The following AUTS2 variants were observed in gnomAD, a reference collection of about 807,000 sequenced individuals.
AUTS2 encodes autism susceptibility gene 2 protein.
AUTS2 carries 17 observed loss-of-function variants against 112.4 expected under a neutral mutation model. That is an observed-to-expected ratio of 0.15 (90% CI 0.10 to 0.23). The LOEUF is 0.23. Among genes scored for constraint, AUTS2 ranks in the 10% least tolerant of loss-of-function variants. The pLI is 1.00. For synonymous variants in AUTS2, 751 were observed against 702.7 expected (o/e 1.07, Z -1.09); for missense variants, 1,510 against 1,701.6 (o/e 0.89, Z 1.98).
In AUTS2 at chr7:70,457,650, G is replaced by A. The variant is rs115533255; in HGVS notation, c.690+21869G>A. On this transcript the variant is annotated intron_variant, in intron 5 of 18. Coordinates refer to ENST00000342771, the MANE Select transcript of AUTS2 (RefSeq NM_015570.4). ...TGTGGATGGACTGCATTGGACAGAG[G>A]TGGGGGTGGTGGAGGGAGTGGAATT... is the stretch of plus-strand genomic sequence containing the variant. Among the ~76,000 whole-genome samples the A allele has an allele frequency of 3.9e-3, 587 of 152,308 alleles. 6 individuals carry two copies. The highest frequency in any genetic ancestry group is 0.013 in the African/African-American group (530 of 41,564).
intron 1 of AUTS2, among the ~76,000 whole-genome samples, chr7:69,895,182 G>T (rs1169175119): frequency 6.6e-6 from 1 of 152,160 alleles, no homozygotes; most frequent in Non-Finnish European, 1.5e-5. Flanking sequence ...TTGATAAGAT[G>T]ATTAGTTTAT....
chr7:70,314,474 A>G (rs1789905322), intron 4 of AUTS2, among the ~76,000 whole-genome samples: 1 of 152,224 alleles, frequency 6.6e-6, no homozygotes, highest in Non-Finnish European at 1.5e-5. Context: ...TGATGTGTGC[A>G]TAGGTTAAAT....
intron 1 of AUTS2, among the ~76,000 whole-genome samples, chr7:69,843,699 A>G (rs1792076351): frequency 6.6e-6 from 1 of 152,124 alleles, no homozygotes; most frequent in African/African-American, 2.4e-5. Context: ...AGTTTCTGAG[A>G]TGTTTTGTTT....
chr7:69,599,707 G>A lies in AUTS2; in HGVS notation c.54G>A (p.Ser18=). Residue 18 remains serine, a synonymous_variant, in exon 1 of 19, where the codon TCG becomes TCA. Coordinates refer to ENST00000342771, the MANE Select transcript of AUTS2 (RefSeq NM_015570.4). The surrounding 1 kb of genome is among the most constrained non-coding windows in gnomAD (Gnocchi z 7.0). ...HGLRKKRRSR[S]QRDRERRSRG... is the part of the protein sequence containing the mutation. ...TCCGCAAAAAGCGGCGGTCGCGGTCGCAGCGAGACCGGGAGAGGCGCTCCC... is the reference window on the plus strand; with the variant it reads ...TCCGCAAAAAGCGGCGGTCGCGGTCACAGCGAGACCGGGAGAGGCGCTCCC... The A allele has an allele frequency of 1.5e-6, 2 of 1,324,634 alleles. No homozygotes were observed. Among genetic ancestry groups the A allele is most frequent in the Non-Finnish European group, 9.6e-7 (1 of 1,041,964 alleles). The allele number at this position is 1,324,634 out of a possible 1,614,324, so 82.1% of individuals were successfully genotyped here. A position where few individuals can be genotyped will look rare whatever the true frequency, so the allele number is the denominator to read the frequency against.
intron 4 of AUTS2, among the ~76,000 whole-genome samples, chr7:70,178,090 A>AT (rs998363310): frequency 1.3e-5 from 2 of 151,410 alleles, no homozygotes; most frequent in Non-Finnish European, 2.9e-5. Flanking sequence ...TAATTTTTGT[A>AT]TTTTTTGTAG....
intron 4 of AUTS2, among the ~76,000 whole-genome samples, chr7:70,434,630 T>G (rs577581209): frequency 1.6e-3 from 240 of 152,298 alleles, no homozygotes; most frequent in Middle Eastern, 6.8e-3. Flanking sequence ...CCACTCTCCC[T>G]GTGACCTGAT....
chr7:70,172,020 G>T (rs1447615540), intron 4 of AUTS2, among the ~76,000 whole-genome samples: 1 of 151,874 alleles, frequency 6.6e-6, no homozygotes, highest in Non-Finnish European at 1.5e-5. Flanking sequence ...CATCTGCCCT[G>T]AGTTTCTCTC....
At chr7:70,582,080 C>T in intron 5 of AUTS2, among the ~76,000 whole-genome samples, 1 of 145,518 alleles carries the variant, frequency 6.9e-6, no homozygotes. Context: ...AGTCGTTTTT[C>T]AAGGTCAAAC....
At chr7:70,235,368 C>A (rs1197543506) in intron 4 of AUTS2, among the ~76,000 whole-genome samples, 3 of 151,962 alleles carry the variant, frequency 2.0e-5, no homozygotes, top group Non-Finnish European at 4.4e-5. Flanking sequence ...GAACTCCGGG[C>A]CTCAAGTGAT....
intron 4 of AUTS2, among the ~76,000 whole-genome samples, chr7:70,221,677 A>G (rs1811494560): frequency 6.6e-6 from 1 of 152,238 alleles, no homozygotes; most frequent in African/African-American, 2.4e-5. Flanking sequence ...ACCTGAGGTC[A>G]GGAGTTTGAG....
intron 4 of AUTS2, among the ~76,000 whole-genome samples, chr7:70,160,930 G>A (rs758504385): frequency 6.6e-6 from 1 of 152,174 alleles, no homozygotes; most frequent in Non-Finnish European, 1.5e-5. Context: ...TTGTGGAAGG[G>A]AATGATTGTA....
intron 4 of AUTS2, among the ~76,000 whole-genome samples, chr7:70,267,434 G>T (rs1456885598): frequency 6.6e-6 from 1 of 152,086 alleles, no homozygotes; most frequent in African/African-American, 2.4e-5. Context: ...CTTCTACCCA[G>T]GACAAGGAGA....
Position 70,569,834 on chromosome 7 carries a change from C to T in AUTS2, c.691-128735C>T, listed in dbSNP as rs995574958. Among the ~76,000 whole-genome samples the T allele has an allele frequency of 2.3e-4, 35 of 152,174 alleles. 1 individual carries two copies. Among genetic ancestry groups the T allele is most frequent in the African/African-American group, 6.8e-4 (28 of 41,458 alleles). On this transcript the variant is annotated intron_variant, in intron 5 of 18. Coordinates refer to ENST00000342771, the MANE Select transcript of AUTS2 (RefSeq NM_015570.4). ...GAGATAAAGGCAAAAACGTAAACCC[C>T]TGCACTATTTTTAAACCAGTAGCCA...
intron 4 of AUTS2, among the ~76,000 whole-genome samples, chr7:70,407,824 G>A (rs756577500): frequency 1.1e-4 from 17 of 152,086 alleles, no homozygotes; most frequent in Non-Finnish European, 2.4e-4. Flanking sequence ...GGAGGCCAAG[G>A]CGGGCGGATC....
At chr7:70,046,682 GA>G (rs1170098842) in intron 2 of AUTS2, among the ~76,000 whole-genome samples, 1 of 152,084 alleles carries the variant, frequency 6.6e-6, no homozygotes, top group Non-Finnish European at 1.5e-5. Flanking sequence ...AGTAATTGTC[GA>G]TTAAACCAAT....
At chr7:70,124,309 T>C (rs1438318838) in intron 3 of AUTS2, among the ~76,000 whole-genome samples, 1 of 152,214 alleles carries the variant, frequency 6.6e-6, no homozygotes, top group Admixed American at 6.5e-5. Flanking sequence ...GTAGGTTGCC[T>C]GTTTACTCTG....
chr7:70,114,468 G>A (rs1805251908), intron 2 of AUTS2, among the ~76,000 whole-genome samples: 1 of 152,178 alleles, frequency 6.6e-6, no homozygotes, highest in Admixed American at 6.5e-5. Flanking sequence ...TACCCCAAAC[G>A]ATCCATTGGA....
intron 4 of AUTS2, among the ~76,000 whole-genome samples, chr7:70,393,696 A>G (rs1393851469): frequency 7.2e-5 from 11 of 152,172 alleles, no homozygotes; most frequent in Non-Finnish European, 1.3e-4. Context: ...CAAAGCATGC[A>G]GCTGATATGT....
intron 1 of AUTS2, among the ~76,000 whole-genome samples, chr7:69,652,822 AT>A (rs1375200096): frequency 6.6e-6 from 1 of 152,104 alleles, no homozygotes; most frequent in African/African-American, 2.4e-5. Flanking sequence ...GTAATAGTAA[AT>A]TTCCTTTTTT....
Sources: allele counts gnomAD v4.1 joint callset (sites outside exome capture counted in the v4.1 genomes callset), GRCh38; gene constraint gnomAD v4.1.1; non-coding constraint Gnocchi (gnomAD v3.1); transcripts MANE v1.5; gene names NCBI Gene and HGNC (gene_info 2026-07-23, HGNC 2026-07-21).